EYS: variants seen among roughly 807,000 people sequenced by gnomAD.
The protein encoded by EYS is protein eyes shut homolog.
EYS carries 250 observed loss-of-function variants against 282.1 expected under a neutral mutation model. That is an observed-to-expected ratio of 0.89 (90% CI 0.80 to 0.98). The LOEUF (loss-of-function observed/expected upper bound fraction) is 0.98, where lower values mean the gene tolerates loss of function less well. Ranked by LOEUF, EYS falls within the 50% of genes least tolerant of loss-of-function variation. EYS has a pLI of 0.00. For synonymous variants in EYS, 1,355 were observed against 1,282.9 expected, an observed-to-expected ratio of 1.06 and a Z score of -1.20; for missense variants, 4,016 against 3,709.0, an observed-to-expected ratio of 1.08 and a Z score of -2.15.
At chr6:64,937,497 C>A (rs1049514716) in intron 15 of EYS, among the ~76,000 whole-genome samples, 7 of 151,480 alleles carry the variant, frequency 4.6e-5, no homozygotes, top group Admixed American at 1.3e-4. Context: ...GAGATATTCT[C>A]CCAAAAAGAG....
intron 34 of EYS, among the ~76,000 whole-genome samples, chr6:63,989,418 G>A (rs1354434012): frequency 6.6e-6 from 1 of 151,542 alleles, no homozygotes; most frequent in Non-Finnish European, 1.5e-5. Flanking sequence ...AGTGAAAAGG[G>A]ATAAAAAATA....
At chr6:65,513,327 C>T (rs976060418) in intron 2 of EYS, among the ~76,000 whole-genome samples, 3 of 150,568 alleles carry the variant, frequency 2.0e-5, no homozygotes, top group Non-Finnish European at 4.4e-5. Context: ...GAGTCCAGGA[C>T]CAGATGGATT....
chr6:64,281,146 C>A (rs1768294174), intron 30 of EYS, among the ~76,000 whole-genome samples: 1 of 152,070 alleles, frequency 6.6e-6, no homozygotes, highest in Non-Finnish European at 1.5e-5. Context: ...CTGGACACTG[C>A]AATCCTTTAA....
chr6:65,481,277 T>A (rs1238260695), intron 5 of EYS, among the ~76,000 whole-genome samples: 1 of 152,076 alleles, frequency 6.6e-6, no homozygotes, highest in Non-Finnish European at 1.5e-5. Context: ...AAAAAATAAG[T>A]ATTCTATACA....
At chr6:65,290,933 GA>G (rs1309590332) in intron 12 of EYS, among the ~76,000 whole-genome samples, 2 of 150,612 alleles carry the variant, frequency 1.3e-5, no homozygotes, top group Non-Finnish European at 3.0e-5. Context: ...TGAAATTCAG[GA>G]AGAAAAAAAA....
chr6:64,905,166 A>G (rs1767784306), intron 16 of EYS, among the ~76,000 whole-genome samples: 1 of 152,254 alleles, frequency 6.6e-6, no homozygotes, highest in Non-Finnish European at 1.5e-5. Context: ...TGTTGTTCAC[A>G]CAACAAAATT....
At chr6:63,760,817 G>C (rs926928181) in intron 41 of EYS, among the ~76,000 whole-genome samples, 2 of 151,680 alleles carry the variant, frequency 1.3e-5, no homozygotes, top group Admixed American at 6.6e-5. Flanking sequence ...AACTTTCACT[G>C]TCTGAGCCTT....
intron 13 of EYS, among the ~76,000 whole-genome samples, chr6:65,023,084 T>C (rs1772297505): frequency 6.6e-6 from 1 of 152,158 alleles, no homozygotes; most frequent in Admixed American, 6.5e-5. Context: ...TAGATTATGA[T>C]GATGAGGGTT....
intron 35 of EYS, among the ~76,000 whole-genome samples, chr6:63,916,875 G>A (rs1265649124): frequency 6.6e-6 from 1 of 152,206 alleles, no homozygotes; most frequent in African/African-American, 2.4e-5. Flanking sequence ...GAAACATGCA[G>A]TGACAGTAAA....
Position 63,720,802 on chromosome 6 carries a change from C to A in EYS, c.9229G>T (p.Val3077Leu), listed in dbSNP as rs1159511919. 6.4e-7 allele frequency: 1 copy of A among 1,551,030 alleles called. No homozygotes were observed. The highest frequency in any genetic ancestry group is 1.2e-5 in the South Asian group (1 of 84,030). ...CAAATGCCATCATAGTTTAGAGCCA[C>A]AAAGTTTTTATGTGGATCAATATCC... The part of the protein sequence containing the change: ...SEDIDPHKNF[V>L]ALNYDGICYL... The change falls in exon 43 of 43, where the codon GTG becomes TTG. Residue 3077 changes from valine to leucine, a missense_variant. Val to Leu is a conservative substitution (Grantham distance 32). Coordinates refer to ENST00000503581, the MANE Select transcript of EYS (RefSeq NM_001142800.2).
At position 65,336,875 on chromosome 6, in the gene EYS, G is replaced by A. The variant is rs116706051; in HGVS notation, c.1600-1729C>T. On this transcript the variant is annotated intron_variant, in intron 10 of 42. Transcript: ENST00000503581. ...GTCAGAAGAGAAATGCACTTCTTAT[G>A]GAGTGCTTAAACACAGGTATATATT... Among the ~76,000 whole-genome samples the A allele has an allele frequency of 5.5e-3, 833 of 151,336 alleles. 8 individuals carry two copies. The highest frequency in any genetic ancestry group is 0.019 in the African/African-American group (775 of 41,356).
chr6:63,952,213 G>A (rs2149766756), intron 35 of EYS, among the ~76,000 whole-genome samples: 1 of 152,350 alleles, frequency 6.6e-6, no homozygotes, highest in East Asian at 1.9e-4. Context: ...GCCAAGGAAT[G>A]CCCACAGCCC....
intron 4 of EYS, among the ~76,000 whole-genome samples, chr6:65,492,528 T>C (rs942418365): frequency 1.3e-5 from 2 of 152,142 alleles, no homozygotes; most frequent in Non-Finnish European, 2.9e-5. Context: ...ATGGTAGAAA[T>C]TTTCTGGCCA....
chr6:64,460,200 T>A (rs16895243), intron 26 of EYS, among the ~76,000 whole-genome samples: 3,335 of 152,298 alleles, frequency 0.022, 138 homozygotes, highest in African/African-American at 0.075. Context: ...ATAATTATAA[T>A]ACACTATGGC....
chr6:63,958,497 G>A (rs1765916217), intron 35 of EYS, among the ~76,000 whole-genome samples: 1 of 152,194 alleles, frequency 6.6e-6, no homozygotes, highest in African/African-American at 2.4e-5. Context: ...GCAAGGTGAA[G>A]CAGCAAGTGC....
chr6:65,338,838 C>G (rs2150316228), intron 10 of EYS, among the ~76,000 whole-genome samples: 1 of 151,178 alleles, frequency 6.6e-6, no homozygotes, highest in African/African-American at 2.4e-5. Flanking sequence ...CCCAAAGTCA[C>G]TTCATCTGTA....
In EYS at chr6:64,912,621, C is replaced by T. The variant is rs1269907880; in HGVS notation, c.2504G>A (p.Cys835Tyr). 3 of 1,551,098 alleles carry T rather than the reference C, an allele frequency of 1.9e-6. No homozygotes were observed. The East Asian group carries it at 7.3e-5, about 38-fold the overall frequency. The change falls in exon 16 of 43, where the codon TGT becomes TAT. Residue 835 changes from cysteine to tyrosine, a missense_variant. Physicochemically the swap from Cys to Tyr is radical, Grantham distance 194. Transcript: ENST00000503581. ...HESTIPGQFV[C>Y]LCPPLYTGQF... ...TCCAGTATAAAGGGGTGGGCACAGA[C>T]ATACAAATTGTCCAGGGATGGTAGA... is the stretch of plus-strand genomic sequence containing the variant.
chr6:64,095,637 C>T (rs1204698002), intron 31 of EYS, among the ~76,000 whole-genome samples: 1 of 151,824 alleles, frequency 6.6e-6, no homozygotes, highest in Non-Finnish European at 1.5e-5. Context: ...TTATTTTGAG[C>T]CTATATGTGT....
intron 26 of EYS, among the ~76,000 whole-genome samples, chr6:64,443,082 C>T (rs1180602301): frequency 6.6e-6 from 1 of 152,184 alleles, no homozygotes; most frequent in East Asian, 1.9e-4. Context: ...AGGAGAGAAG[C>T]TGTACCCTGC....
Sources: allele counts gnomAD v4.1 joint callset (sites outside exome capture counted in the v4.1 genomes callset), GRCh38; gene constraint gnomAD v4.1.1; transcripts MANE v1.5; gene names NCBI Gene and HGNC (gene_info 2026-07-23, HGNC 2026-07-21).